Variants in RAI14 observed in about 807,000 individuals in gnomAD.
RAI14 encodes the protein retinoic acid induced 14, also known as ankycorbin.
In RAI14, 45 loss-of-function variants were observed where a neutral mutation model predicts 115.4. That is an observed-to-expected ratio of 0.39 (90% CI 0.31 to 0.50). The LOEUF is 0.50. RAI14 is among the 20% of genes least tolerant of loss of function. The pLI is 0.85. For missense variants in RAI14, 939 were observed against 1,131.2 expected (o/e 0.83, Z 2.44); for synonymous variants, 371 against 415.4 (o/e 0.89, Z 1.30).
In RAI14 at chr5:34,832,001, G is replaced by A. The variant is rs1053619800; in HGVS notation, c.*1236G>A. ...AAAACCCTGATATGGTAATATTATG[G>A]TGCATAGCAGAGGTCTCGGAAAAAA... On this transcript the variant is annotated 3_prime_UTR_variant, in exon 18 of 18. Coordinates refer to ENST00000265109, the MANE Select transcript of RAI14 (RefSeq NM_015577.3). 6.6e-6 allele frequency: 1 copy of A among 152,112 alleles called. No individual in the cohort carries two copies. Among genetic ancestry groups the A allele is most frequent in the African/African-American group, 2.4e-5 (1 of 41,390 alleles). 9.4% of individuals were successfully genotyped at this position (152,112 alleles called of 1,614,324 possible). A position where few individuals can be genotyped will look rare whatever the true frequency, so the allele number is the denominator to read the frequency against.
intron 3 of RAI14, among the ~76,000 whole-genome samples, chr5:34,789,710 A>G (rs1752706000): frequency 6.6e-6 from 1 of 152,204 alleles, no homozygotes; most frequent in Admixed American, 6.5e-5. Context: ...ACTCTGTGCC[A>G]TGCTTTGTGT....
At chr5:34,660,752 C>A (rs1742625863) in intron 1 of RAI14, among the ~76,000 whole-genome samples, 1 of 150,556 alleles carries the variant, frequency 6.6e-6, no homozygotes, top group South Asian at 2.1e-4. Flanking sequence ...TTGGCGTCCT[C>A]ATTCCTTCAA....
chr5:34,709,753 G>C (rs377517730), intron 2 of RAI14, among the ~76,000 whole-genome samples: 1 of 152,256 alleles, frequency 6.6e-6, no homozygotes, highest in African/African-American at 2.4e-5. Flanking sequence ...AGGCTCTTTG[G>C]AAGATTTTCC....
intron 2 of RAI14, among the ~76,000 whole-genome samples, chr5:34,728,044 G>A (rs879862979): frequency 6.6e-6 from 1 of 152,186 alleles, no homozygotes; most frequent in Admixed American, 6.5e-5. Context: ...TGGCCTGGGT[G>A]TGAGACTTGT....
intron 3 of RAI14, among the ~76,000 whole-genome samples, chr5:34,773,545 A>G (rs775175442): frequency 1.3e-5 from 2 of 152,198 alleles, no homozygotes; most frequent in Non-Finnish European, 2.9e-5. Flanking sequence ...AGGAACTCAA[A>G]TAACTTGACC....
At chr5:34,689,319 G>A (rs1738270386) in intron 2 of RAI14, among the ~76,000 whole-genome samples, 1 of 151,878 alleles carries the variant, frequency 6.6e-6, no homozygotes, top group Non-Finnish European at 1.5e-5. Flanking sequence ...GTGGGAGGAA[G>A]GCTTGAGCCC....
rs1455503985 is a variant in RAI14, at chr5:34,832,048, T to C, written c.*1283T>C. Reference sequence around the variant, plus strand: ...AAAAAATATTTCTGTTCACTTTACTTTCAGGTTAAAAATGTTTCTAACACG... The same window carrying C: ...AAAAAATATTTCTGTTCACTTTACTCTCAGGTTAAAAATGTTTCTAACACG... On this transcript the variant is annotated 3_prime_UTR_variant, in exon 18 of 18. Coordinates refer to ENST00000265109, the MANE Select transcript of RAI14 (RefSeq NM_015577.3). 6.6e-6 allele frequency: 1 copy of C among 152,230 alleles called. No individual in the cohort carries two copies. Among genetic ancestry groups the C allele is most frequent in the Non-Finnish European group, 1.5e-5 (1 of 68,052 alleles). The allele number at this position is 152,230 out of a possible 1,614,324, so 9.4% of individuals were successfully genotyped here.
rs6880629 is a variant in RAI14, at chr5:34,703,175, T to C, written c.36+16220T>C. Among the ~76,000 whole-genome samples the C allele has an allele frequency of 3.0e-3, 460 of 152,268 alleles. 2 individuals are homozygous for C. The highest frequency in any genetic ancestry group is 9.9e-3 in the African/African-American group (410 of 41,542). The stretch of plus-strand genomic sequence containing the variant: ...TATGCAGCAACTGGGAAAATGCGTA[T>C]AATAAAATAAGTGGAGAGAAATTCA... On this transcript the variant is annotated intron_variant, in intron 2 of 17. Coordinates refer to ENST00000265109, the MANE Select transcript of RAI14 (RefSeq NM_015577.3).
intron 13 of RAI14, among the ~76,000 whole-genome samples, chr5:34,819,351 T>G (rs1561080450): frequency 1.3e-5 from 2 of 152,214 alleles, no homozygotes; most frequent in Non-Finnish European, 2.9e-5. Context: ...AATATCATGT[T>G]CAGATGAGGT....
Position 34,811,956 on chromosome 5 carries a change from G to A in RAI14, c.736+11G>A, listed in dbSNP as rs1218584938. ...TCTCTCAGGATGCTGGTATGTAAAA[G>A]AAAATAGCCAATGTTGTTTTAAGTT... is the stretch of plus-strand genomic sequence containing the variant. On this transcript the variant is annotated intron_variant, in intron 9 of 17. Coordinates refer to ENST00000265109, the MANE Select transcript of RAI14 (RefSeq NM_015577.3). 6.3e-7 allele frequency: 1 copy of A among 1,593,212 alleles called. No homozygotes were observed. The highest frequency in any genetic ancestry group is 1.8e-5 in the Admixed American group (1 of 56,908).
intron 10 of RAI14, 57 bp from the exon 11 acceptor site, chr5:34,813,517 C>A: frequency 7.8e-7 from 1 of 1,281,114 alleles, no homozygotes; most frequent in South Asian, 1.3e-5. Flanking sequence ...GCTACTTGCC[C>A]AGACTTTACT....
chr5:34,715,865 G>A (rs1426148857), intron 2 of RAI14, among the ~76,000 whole-genome samples: 1 of 151,938 alleles, frequency 6.6e-6, no homozygotes, highest in African/African-American at 2.4e-5. Flanking sequence ...GTGAATCACA[G>A]TTAACCTCAG....
chr5:34,735,102 T>C (rs952292325), intron 2 of RAI14, among the ~76,000 whole-genome samples: 1 of 152,208 alleles, frequency 6.6e-6, no homozygotes, highest in African/African-American at 2.4e-5. Context: ...ATGCAGCTCT[T>C]TATTGATAGG....
intron 1 of RAI14, among the ~76,000 whole-genome samples, chr5:34,672,797 G>A (rs1449714285): frequency 6.6e-6 from 1 of 152,126 alleles, no homozygotes; most frequent in Admixed American, 6.5e-5. Context: ...ATTAGGCATT[G>A]AGGTCTACTG....
At chr5:34,690,139 A>T (rs1010326993) in intron 2 of RAI14, among the ~76,000 whole-genome samples, 14 of 152,186 alleles carry the variant, frequency 9.2e-5, no homozygotes, top group African/African-American at 3.1e-4. Flanking sequence ...ATACACGTAC[A>T]TGTGTATCAT....
intron 1 of RAI14, among the ~76,000 whole-genome samples, chr5:34,658,555 G>T (rs1742455160): frequency 6.6e-6 from 1 of 151,984 alleles, no homozygotes; most frequent in Non-Finnish European, 1.5e-5. Flanking sequence ...CACTTTGGGA[G>T]GCCGAGGCAG....
At chr5:34,700,427 G>A (rs1739922512) in intron 2 of RAI14, among the ~76,000 whole-genome samples, 2 of 152,188 alleles carry the variant, frequency 1.3e-5, no homozygotes, top group African/African-American at 4.8e-5. Context: ...GTGGCTTTAG[G>A]TGGCAAGTGG....
intron 7 of RAI14, among the ~76,000 whole-genome samples, chr5:34,809,528 C>T (rs143103104): frequency 1.7e-3 from 257 of 151,458 alleles, no homozygotes; most frequent in African/African-American, 6.2e-3. Flanking sequence ...TTTATTTTCA[C>T]ATTGAAAATC....
chr5:34,805,955 C>G (rs1754841918), intron 5 of RAI14, among the ~76,000 whole-genome samples: 1 of 152,178 alleles, frequency 6.6e-6, no homozygotes, highest in South Asian at 2.1e-4. Context: ...TGCACCGTGT[C>G]AAGCAGTGAC....
Sources: allele counts gnomAD v4.1 joint callset (sites outside exome capture counted in the v4.1 genomes callset), GRCh38; gene constraint gnomAD v4.1.1; transcripts MANE v1.5; gene names NCBI Gene and HGNC (gene_info 2026-07-23, HGNC 2026-07-21).